Variants in HBS1L observed in about 807,000 individuals in gnomAD.
HBS1L encodes the protein HBS1-like protein.
A neutral mutation model predicts 88.9 loss-of-function variants in HBS1L; 55 were observed. The ratio of observed to expected loss-of-function variants is 0.62; its 90% CI spans 0.50 to 0.77. The LOEUF (loss-of-function observed/expected upper bound fraction) is 0.77. Among genes scored for constraint, HBS1L ranks in the 30% least tolerant of loss-of-function variants. The pLI is 0.00. For synonymous variants in HBS1L, 267 were observed against 288.5 expected (o/e 0.93, Z 0.76); for missense variants, 741 against 829.3 (o/e 0.89, Z 1.31).
chr6:135,029,876 T>C (rs888730241), intron 4 of HBS1L, among the ~76,000 whole-genome samples: 3 of 152,222 alleles, frequency 2.0e-5, no homozygotes, highest in Non-Finnish European at 2.9e-5. Flanking sequence ...TATATAAGTG[T>C]TACAGTATAT....
At chr6:134,989,658 C>A (rs1775076050) in intron 8 of HBS1L, among the ~76,000 whole-genome samples, 1 of 152,188 alleles carries the variant, frequency 6.6e-6, no homozygotes, top group Non-Finnish European at 1.5e-5. Context: ...AAGTACTAAC[C>A]ATACACTTTG....
chr6:135,052,313 T>C (rs369092752), intron 1 of HBS1L, among the ~76,000 whole-genome samples: 8 of 152,248 alleles, frequency 5.3e-5, no homozygotes, highest in African/African-American at 1.7e-4. Flanking sequence ...AAGACAACAA[T>C]AGGCCAGGCA....
At chr6:134,968,261 T>C (rs896465213) in intron 16 of HBS1L, among the ~76,000 whole-genome samples, 2 of 152,100 alleles carry the variant, frequency 1.3e-5, no homozygotes, top group African/African-American at 2.4e-5. Context: ...TTTTTTTCTT[T>C]TTTTTGAGAT....
At position 134,979,284 on chromosome 6, in the gene HBS1L, A is replaced by T. The variant is rs1774747575; in HGVS notation, c.1598-16T>A. On this transcript the variant is annotated splice_polypyrimidine_tract_variant and intron_variant, in intron 13 of 17. Transcript: ENST00000367837. ...AGAGTGATTCCTGGAAATGAGTAAG[A>T]ACCAAAGCATACAGTGAAACACCTC... is the stretch of plus-strand genomic sequence containing the variant. 6.3e-7 allele frequency: 1 copy of T among 1,596,148 alleles called. No homozygotes were observed. The highest frequency in any genetic ancestry group is 1.3e-5 in the African/African-American group (1 of 74,450).
chr6:135,024,460 A>C (rs1471677699), intron 4 of HBS1L, among the ~76,000 whole-genome samples: 1 of 149,614 alleles, frequency 6.7e-6, no homozygotes, highest in African/African-American at 2.4e-5. Context: ...AAAAAAAAAA[A>C]AACACAAAAC....
intron 4 of HBS1L, among the ~76,000 whole-genome samples, chr6:135,016,999 G>T (rs768934087): frequency 2.0e-5 from 3 of 152,098 alleles, no homozygotes; most frequent in Non-Finnish European, 4.4e-5. Flanking sequence ...AAAAGATTTA[G>T]AACTATTTAT....
rs540331587 is a variant in HBS1L at position 135,050,443 on chromosome 6, T to C, written c.109+139A>G. ...TCACAGGAAAAGAAATTATTTTATATGCCTTTAATAATTAACATATAATTA... is the reference window on the plus strand; with the variant it reads ...TCACAGGAAAAGAAATTATTTTATACGCCTTTAATAATTAACATATAATTA... On this transcript the variant is annotated intron_variant, in intron 2 of 17. Coordinates refer to ENST00000367837, the MANE Select transcript of HBS1L (RefSeq NM_006620.4). The C allele has an allele frequency of 2.1e-5, 11 of 529,878 alleles. No homozygotes were observed. In the South Asian group the frequency reaches 2.8e-4, roughly 14 times the overall value. The allele number at this position is 529,878 out of a possible 1,614,324, so 32.8% of individuals were successfully genotyped here.
At chr6:135,022,923 G>GA (rs564104233) in intron 4 of HBS1L, among the ~76,000 whole-genome samples, 552 of 132,396 alleles carry the variant, frequency 4.2e-3, no homozygotes, top group Middle Eastern at 0.012. Flanking sequence ...ACCTAAGCAG[G>GA]AAAAAAAAAA....
intron 5 of HBS1L, among the ~76,000 whole-genome samples, chr6:134,998,722 G>A (rs1775360772): frequency 6.6e-6 from 1 of 152,132 alleles, no homozygotes; most frequent in African/African-American, 2.4e-5. Context: ...ATTTTTATAT[G>A]CCCAACATTA....
At chr6:134,986,680 A>G (rs938646435) in intron 10 of HBS1L, 56 bp downstream of exon 10, 27 of 860,728 alleles carry the variant, frequency 3.1e-5, no homozygotes, top group Non-Finnish European at 4.6e-5. Flanking sequence ...TTTTCCTCTC[A>G]TACCAGTAAG....
intron 4 of HBS1L, among the ~76,000 whole-genome samples, chr6:135,033,160 AT>A (rs1375105643): frequency 6.6e-6 from 1 of 152,206 alleles, no homozygotes; most frequent in Non-Finnish European, 1.5e-5. Flanking sequence ...TAATTACAAT[AT>A]TATTTCTATT....
chr6:135,040,500 C>T (rs534948946), intron 3 of HBS1L, among the ~76,000 whole-genome samples: 5 of 151,826 alleles, frequency 3.3e-5, no homozygotes, highest in South Asian at 2.1e-4. Context: ...TATGGACGCC[C>T]GCCACCATGC....
intron 13 of HBS1L, among the ~76,000 whole-genome samples, chr6:134,980,127 TG>T (rs1420249647): frequency 1.3e-5 from 2 of 152,026 alleles, no homozygotes; most frequent in African/African-American, 4.8e-5. Flanking sequence ...AAAGAGAATG[TG>T]TAGGCCAACC....
chr6:135,052,532 A>G (rs532122961), intron 1 of HBS1L, among the ~76,000 whole-genome samples: 5 of 150,978 alleles, frequency 3.3e-5, no homozygotes, highest in Non-Finnish European at 7.4e-5. Flanking sequence ...TGATCATGCC[A>G]CTGCACTCGC....
chr6:134,978,963 T>C (rs934808450), intron 14 of HBS1L, among the ~76,000 whole-genome samples, 176 bp from the exon 15 acceptor site: 5 of 152,100 alleles, frequency 3.3e-5, no homozygotes, highest in African/African-American at 1.2e-4. Flanking sequence ...CTTATGTCAT[T>C]TTTATACATT....
chr6:134,983,204 C>G (rs143730037), intron 12 of HBS1L: 2,288 of 152,108 alleles, frequency 0.015, 22 homozygotes, highest in Non-Finnish European at 0.021. Flanking sequence ...AAAGGTAAGA[C>G]AGGAGGCAAC....
At chr6:135,036,914 A>T in intron 4 of HBS1L, 1 of 1,551,672 alleles carries the variant, frequency 6.4e-7, no homozygotes, top group South Asian at 1.2e-5. Context: ...TTAGTTCGTG[A>T]TGATGGAGCA....
rs57393645 is a variant in HBS1L, at chr6:134,964,822, G to GAAAAAAAAAAAAAAA, written c.*442_*456dup. 1 of 84,380 alleles carries GAAAAAAAAAAAAAAA rather than the reference G, an allele frequency of 1.2e-5. No homozygotes were observed. Among genetic ancestry groups the GAAAAAAAAAAAAAAA allele is most frequent in the Non-Finnish European group, 2.4e-5 (1 of 42,460 alleles). The allele number at this position is 84,380 out of a possible 1,614,324, so 5.2% of individuals were successfully genotyped here. ...CCAAATCTTTTCTTAGCATTAACTG[G>GAAAAAAAAAAAAAAA]AAAAAAAAAAAAAAAAAAAGCTTAG... On this transcript the variant is annotated 3_prime_UTR_variant, in exon 18 of 18. Coordinates refer to ENST00000367837, the MANE Select transcript of HBS1L (RefSeq NM_006620.4).
chr6:135,013,406 G>A (rs1426732807), intron 4 of HBS1L, among the ~76,000 whole-genome samples: 1 of 152,198 alleles, frequency 6.6e-6, no homozygotes, highest in Non-Finnish European at 1.5e-5. Flanking sequence ...TGCCAACTGT[G>A]TGACACTGAG....
Sources: allele counts gnomAD v4.1 joint callset (sites outside exome capture counted in the v4.1 genomes callset), GRCh38; gene constraint gnomAD v4.1.1; transcripts MANE v1.5; gene names NCBI Gene and HGNC (gene_info 2026-07-23, HGNC 2026-07-21).